ATOSB: variants seen among roughly 807,000 people sequenced by gnomAD.
ATOSB encodes atos homolog B, also known as atos homolog protein B.
chr9:35,113,327 C>T, the ATOSB span, among the ~76,000 whole-genome samples: 1 of 152,140 alleles, frequency 6.6e-6, no homozygotes, highest in African/African-American at 2.4e-5. Context: ...CAGCAGGGTA[C>T]AACCAAGAGG....
At chr9:35,108,629 C>T in the ATOSB span, 1 of 1,056,156 alleles carries the variant, frequency 9.5e-7, no homozygotes, top group African/African-American at 1.7e-5. Flanking sequence ...CTGTGCGTCC[C>T]CTCTTCCCAA....
chr9:35,105,446 C>T, the ATOSB span: 1 of 1,527,332 alleles, frequency 6.5e-7, no homozygotes, highest in Admixed American at 1.9e-5. This position sits in a 1 kb window ranked among gnomAD's most constrained non-coding sequence, Gnocchi z 5.5. Context: ...AATTCCAGTG[C>T]TTTGGGAGAC....
the ATOSB span, chr9:35,108,326 C>T: frequency 6.7e-7 from 1 of 1,486,716 alleles, no homozygotes; most frequent in Non-Finnish European, 8.9e-7. Flanking sequence ...TATGCTGGGC[C>T]TGGGCTGGGG....
At chr9:35,111,624 C>A in the ATOSB span, 1 of 151,752 alleles carries the variant, frequency 6.6e-6, no homozygotes, top group Non-Finnish European at 1.5e-5. Context: ...CCACCACCCG[C>A]GCCGCGGCGG....
At chr9:35,113,295 G>A in the ATOSB span, among the ~76,000 whole-genome samples, 1 of 152,156 alleles carries the variant, frequency 6.6e-6, no homozygotes, top group Non-Finnish European at 1.5e-5. Context: ...GATGTTCCAG[G>A]CCTCAGTGTA....
chr9:35,106,177 C>A, the ATOSB span: 1 of 1,592,372 alleles, frequency 6.3e-7, no homozygotes, highest in Middle Eastern at 2.0e-4. This position sits in a 1 kb window ranked among gnomAD's most constrained non-coding sequence, Gnocchi z 4.6. Context: ...TAAGAAATAC[C>A]TCTTGCCCCC....
At chr9:35,107,883 C>T in the ATOSB span, 1 of 1,594,994 alleles carries the variant, frequency 6.3e-7, no homozygotes, top group Non-Finnish European at 8.5e-7. Flanking sequence ...TGAGGTGACA[C>T]TACTTCTCTG....
the ATOSB span, chr9:35,107,371 A>G: frequency 6.2e-7 from 1 of 1,603,316 alleles, no homozygotes; most frequent in Admixed American, 1.7e-5. Flanking sequence ...GAGGTCCTTT[A>G]TTGGCTTACC....
chr9:35,106,475 G>C, the ATOSB span: 1 of 1,609,498 alleles, frequency 6.2e-7, no homozygotes, highest in Non-Finnish European at 8.5e-7. The surrounding 1 kb of genome is among the most constrained non-coding windows in gnomAD (Gnocchi z 4.6). Flanking sequence ...ATCCATCCAA[G>C]CCACATTCCA....
the ATOSB span, among the ~76,000 whole-genome samples, chr9:35,113,534 G>A: frequency 6.6e-6 from 1 of 152,160 alleles, no homozygotes; most frequent in Non-Finnish European, 1.5e-5. Context: ...TGAGGCAGGA[G>A]AATCACTTGA....
chr9:35,104,525 CCT>C, the ATOSB span: 56 of 215,010 alleles, frequency 2.6e-4, no homozygotes, highest in Non-Finnish European at 3.8e-4. Context: ...GTGGTTAACC[CCT>C]GTGTGTGTGC....
At chr9:35,105,037 C>G in the ATOSB span, 1 of 597,958 alleles carries the variant, frequency 1.7e-6, no homozygotes. This position sits in a 1 kb window ranked among gnomAD's most constrained non-coding sequence, Gnocchi z 5.5. Context: ...ATGGAGTACC[C>G]GAAGTAGGGC....
the ATOSB span, chr9:35,106,264 C>T: frequency 1.5e-5 from 24 of 1,613,604 alleles, no homozygotes; most frequent in Admixed American, 5.0e-5. This position sits in a 1 kb window ranked among gnomAD's most constrained non-coding sequence, Gnocchi z 4.6. Flanking sequence ...GGAAGGGAGC[C>T]GGGGCATTTT....
At chr9:35,108,579 C>T in the ATOSB span, 2 of 1,158,676 alleles carry the variant, frequency 1.7e-6, no homozygotes, top group Non-Finnish European at 2.1e-6. Flanking sequence ...TCCCCCTCTT[C>T]TCCCTGGTAC....
chr9:35,107,502 T>C, the ATOSB span: 2 of 1,606,416 alleles, frequency 1.2e-6, no homozygotes, highest in South Asian at 2.2e-5. Context: ...GGCTGGCCCC[T>C]CTTCCTCAGA....
At chr9:35,104,598 CATAA>C in the ATOSB span, 1 of 418,648 alleles carries the variant, frequency 2.4e-6, no homozygotes, top group African/African-American at 2.1e-5. Flanking sequence ...CACACATACG[CATAA>C]CTTGGCTTTC....
the ATOSB span, chr9:35,108,362 A>C: frequency 7.0e-7 from 1 of 1,432,626 alleles, no homozygotes; most frequent in South Asian, 1.5e-5. Context: ...GTGTAAGAGA[A>C]GAGAAGAAAA....
At chr9:35,105,024 C>T in the ATOSB span, 179 of 524,208 alleles carry the variant, frequency 3.4e-4, no homozygotes, top group African/African-American at 3.1e-3. The surrounding 1 kb of genome is among the most constrained non-coding windows in gnomAD (Gnocchi z 5.5). Context: ...AGGGGACAGG[C>T]ACATGGAGTA....
At chr9:35,110,775 G>C in the ATOSB span, 1 of 152,282 alleles carries the variant, frequency 6.6e-6, no homozygotes, top group Non-Finnish European at 1.5e-5. Context: ...TGGGTGAGGT[G>C]GGTATTGGTA....
Sources: allele counts gnomAD v4.1 joint callset (sites outside exome capture counted in the v4.1 genomes callset), GRCh38; gene constraint gnomAD v4.1.1; non-coding constraint Gnocchi (gnomAD v3.1); transcripts MANE v1.5; gene names NCBI Gene and HGNC (gene_info 2026-07-23, HGNC 2026-07-21).